Variants in LMO7 observed in about 807,000 individuals in gnomAD.
LMO7 encodes LIM domain 7.
Under a neutral mutation model 206.5 loss-of-function variants are expected in LMO7, and 120 were observed. That is an observed-to-expected ratio of 0.58 (90% confidence interval 0.50 to 0.68). The LOEUF is 0.68. Ranked by LOEUF, LMO7 falls within the 30% of genes least tolerant of loss-of-function variation. The probability of loss-of-function intolerance (pLI) is 0.00; values close to 1 mark genes in which losing one functional copy is unlikely to be tolerated. For missense variants in LMO7, 1,959 were observed against 1,957.9 expected, an observed-to-expected ratio of 1.00 and a Z score of -0.01; for synonymous variants, 706 against 681.5, an observed-to-expected ratio of 1.04 and a Z score of -0.56.
At chr13:75,812,210 CA>C (rs2056479152) in intron 11 of LMO7, among the ~76,000 whole-genome samples, 1 of 152,144 alleles carries the variant, frequency 6.6e-6, no homozygotes, top group Non-Finnish European at 1.5e-5. Flanking sequence ...TTTCTGGCCC[CA>C]AAATGTCAGC....
Position 75,849,699 on chromosome 13 carries a change from T to A in LMO7, c.4364+407T>A, listed in dbSNP as rs767322788. On this transcript the variant is annotated intron_variant, in intron 27 of 30. Coordinates refer to ENST00000377534, the MANE Select transcript of LMO7 (RefSeq NM_001306080.2). Reference sequence around the variant, plus strand: ...TCATATTTTTATATTTCTAATGAGATAATGATTAGATTGGAATCTTGATAA... The same window carrying A: ...TCATATTTTTATATTTCTAATGAGAAAATGATTAGATTGGAATCTTGATAA... 2.6e-5 allele frequency among the ~76,000 whole-genome samples: 4 copies of A among 152,276 alleles called. No individual in the cohort carries two copies. In the East Asian group the frequency reaches 7.7e-4, roughly 29 times the overall value.
chr13:75,751,608 G>A (rs565791120), intron 3 of LMO7, among the ~76,000 whole-genome samples: 1 of 152,174 alleles, frequency 6.6e-6, no homozygotes, highest in Non-Finnish European at 1.5e-5. Flanking sequence ...TTTAAGCTTT[G>A]TAAGGCCTTT....
chr13:75,670,104 T>C (rs2039426470), intron 1 of LMO7, among the ~76,000 whole-genome samples: 1 of 152,230 alleles, frequency 6.6e-6, no homozygotes, highest in East Asian at 1.9e-4. Context: ...ATGAAATACA[T>C]ACACCTCTCT....
chr13:75,625,999 G>A (rs1233769648), intron 2 of LMO7, among the ~76,000 whole-genome samples: 2 of 152,128 alleles, frequency 1.3e-5, no homozygotes, highest in African/African-American at 4.8e-5. Flanking sequence ...CTGTTTGTAA[G>A]GTTTCTTCAC....
At chr13:75,697,687 A>G (rs2042001449) in intron 1 of LMO7, among the ~76,000 whole-genome samples, 1 of 152,202 alleles carries the variant, frequency 6.6e-6, no homozygotes, top group Non-Finnish European at 1.5e-5. Flanking sequence ...ATATTTCTCA[A>G]TATACCAGAA....
chr13:75,713,740 A>T (rs1401032655), intron 2 of LMO7, among the ~76,000 whole-genome samples: 2 of 152,212 alleles, frequency 1.3e-5, no homozygotes, highest in Non-Finnish European at 2.9e-5. Context: ...CCATTCATTC[A>T]ATTAATAGAC....
intron 1 of LMO7, among the ~76,000 whole-genome samples, chr13:75,682,532 GCTTT>G (rs2040622341): frequency 6.6e-6 from 1 of 152,278 alleles, no homozygotes; most frequent in South Asian, 2.1e-4. Flanking sequence ...GTATACATGG[GCTTT>G]CTTATCAGGT....
intron 4 of LMO7, 98 bp downstream of exon 4, chr13:75,761,136 A>G: frequency 2.6e-6 from 2 of 770,304 alleles, no homozygotes; most frequent in Non-Finnish European, 4.1e-6. Flanking sequence ...GATTACAGAA[A>G]AATTCTTCTG....
At chr13:75,625,197 G>A (rs141481343) in intron 2 of LMO7, among the ~76,000 whole-genome samples, 1 of 152,250 alleles carries the variant, frequency 6.6e-6, no homozygotes, top group East Asian at 1.9e-4. Context: ...ATTTCTCTAA[G>A]GCAAATATGT....
chr13:75,819,277 A>T (rs541460265), intron 12 of LMO7, 116 bp from the exon 13 acceptor site: 1 of 1,254,560 alleles, frequency 8.0e-7, no homozygotes, highest in Non-Finnish European at 1.1e-6. Flanking sequence ...GCACCTTGGC[A>T]TCCAGTTGGA....
chr13:75,724,178 A>G (rs1452101099), intron 2 of LMO7, among the ~76,000 whole-genome samples: 2 of 152,116 alleles, frequency 1.3e-5, no homozygotes, highest in East Asian at 1.9e-4. Flanking sequence ...GCTGAAGGAG[A>G]AGGAGAGAAA....
At chr13:75,732,445 G>A (rs1034003778) in intron 3 of LMO7, among the ~76,000 whole-genome samples, 2 of 152,072 alleles carry the variant, frequency 1.3e-5, no homozygotes, top group Non-Finnish European at 2.9e-5. Flanking sequence ...CGTTCGTCAC[G>A]TAGTTCTCGA....
intron 7 of LMO7, 22 bp from the exon 8 acceptor site, chr13:75,804,267 A>G (rs1328662275): frequency 2.5e-6 from 4 of 1,603,948 alleles, no homozygotes; most frequent in South Asian, 1.1e-5. Context: ...GAGTAAAGCA[A>G]ATTCTTGTGC....
intron 2 of LMO7, among the ~76,000 whole-genome samples, chr13:75,629,501 G>A (rs1214051571): frequency 6.6e-6 from 1 of 152,206 alleles, no homozygotes; most frequent in Non-Finnish European, 1.5e-5. Context: ...AATTGAGCCT[G>A]GAAGAATAGG....
intron 1 of LMO7, among the ~76,000 whole-genome samples, chr13:75,637,500 C>G (rs1398091121): frequency 6.6e-6 from 1 of 152,074 alleles, no homozygotes; most frequent in Non-Finnish European, 1.5e-5. Context: ...GCCGTTATTC[C>G]ACTGGACGCA....
At position 75,800,819 on chromosome 13, in the gene LMO7, T is replaced by A; in HGVS notation, c.598T>A (p.Ser200Thr). ...KREDSFESLDSLGSRSLTSCS... is the reference protein window; with the variant it reads ...KREDSFESLDTLGSRSLTSCS... ...AGAAGATTCCTTTGAAAGCTTGGACTCTTTGGGCTCGAGGTCATTGACAAG... is the reference window on the plus strand; with the variant it reads ...AGAAGATTCCTTTGAAAGCTTGGACACTTTGGGCTCGAGGTCATTGACAAG... The change falls in exon 7 of 31, where the codon TCT (serine) becomes ACT (threonine). Residue 200 changes from serine to threonine, a missense_variant. Transcript: ENST00000377534. The A allele has an allele frequency of 6.2e-7, 1 of 1,614,118 alleles. No homozygotes were observed. Among genetic ancestry groups the A allele is most frequent in the Non-Finnish European group, 8.5e-7 (1 of 1,179,996 alleles).
chr13:75,749,371 G>A (rs17706332), intron 3 of LMO7, among the ~76,000 whole-genome samples: 12,445 of 152,194 alleles, frequency 0.082, 698 homozygotes, highest in Middle Eastern at 0.18. Context: ...TGGAACTTAA[G>A]CATCTATTTC....
chr13:75,804,395 A>G lies in LMO7; in HGVS notation c.768A>G (p.Leu256=), dbSNP rs150185854. The change falls in exon 8 of 31, where the codon TTA becomes TTG. Residue 256 remains leucine (L), a synonymous_variant. Transcript: ENST00000377534. ...RISAVEPKTA[L]PFNRFLPNKS... ...CGGCTGTTGAGCCAAAGACTGCGTT[A>G]CCCTTCAATCGTTTTTTACCCAACA... 1 of 1,614,070 alleles carries G rather than the reference A, an allele frequency of 6.2e-7. No individual in the cohort carries two copies. The highest frequency in any genetic ancestry group is 1.3e-5 in the African/African-American group (1 of 74,932).
At chr13:75,833,891 A>G (rs1168246504) in intron 16 of LMO7, among the ~76,000 whole-genome samples, 5 of 152,132 alleles carry the variant, frequency 3.3e-5, no homozygotes, top group Admixed American at 6.6e-5. Flanking sequence ...TCTGAATTGG[A>G]AGCTCAATTA....
Sources: allele counts gnomAD v4.1 joint callset (sites outside exome capture counted in the v4.1 genomes callset), GRCh38; gene constraint gnomAD v4.1.1; transcripts MANE v1.5; gene names NCBI Gene and HGNC (gene_info 2026-07-23, HGNC 2026-07-21).